TYROBP: variants seen among roughly 807,000 people sequenced by gnomAD.
The protein encoded by TYROBP is transmembrane immune signaling adaptor TYROBP, also known as TYRO protein tyrosine kinase-binding protein.
In TYROBP, 14 loss-of-function variants were observed where a neutral mutation model predicts 17.1. That is an observed-to-expected ratio of 0.82 (90% CI 0.54 to 1.28). TYROBP has a LOEUF of 1.28. TYROBP is among the 50% of genes most tolerant of loss of function. The pLI is 0.00. For synonymous variants in TYROBP, 73 were observed against 67.4 expected (o/e 1.08, Z -0.41); for missense variants, 161 against 151.4 (o/e 1.06, Z -0.33).
At chr19:35,906,937 G>C (rs992252967) in intron 4 of TYROBP, among the ~76,000 whole-genome samples, 1 of 151,920 alleles carries the variant, frequency 6.6e-6, no homozygotes, top group African/African-American at 2.4e-5. Flanking sequence ...TGTTGGTCTC[G>C]AACTCCTGAC....
intron 1 of TYROBP, 67 bp from the exon 2 acceptor site, chr19:35,907,829 A>T: frequency 6.4e-6 from 10 of 1,551,436 alleles, no homozygotes; most frequent in Non-Finnish European, 8.8e-6. Flanking sequence ...GCAAGTTTAG[A>T]AGCCAGGGAA....
chr19:35,905,913 A>G (rs1975710954), intron 4 of TYROBP, among the ~76,000 whole-genome samples: 1 of 149,616 alleles, frequency 6.7e-6, no homozygotes, highest in African/African-American at 2.5e-5. Context: ...AGACCACACC[A>G]TTGCACTCCA....
In TYROBP at chr19:35,907,743, G is replaced by T. The variant is rs1975766973; in HGVS notation, c.81C>A (p.Ala27=). The T allele has an allele frequency of 6.2e-7, 1 of 1,614,070 alleles. No homozygotes were observed. Among genetic ancestry groups the T allele is most frequent in the Non-Finnish European group, 8.5e-7 (1 of 1,180,024 alleles). The change falls in exon 2 of 5, where the codon GCC becomes GCA. Residue 27 remains alanine (A), a synonymous_variant. Coordinates refer to ENST00000262629, the MANE Select transcript of TYROBP (RefSeq NM_003332.4). ...LAVSGLRPVQ[A]QAQSDCSCST... ...GTCTAGGCCTACCGCTCTGGGCCTG[G>T]GCCTGGACAGGACGGAGACCTGAGG... is the stretch of plus-strand genomic sequence containing the variant.
chr19:35,907,117 G>A, intron 4 of TYROBP, 101 bp downstream of exon 4: 1 of 1,208,732 alleles, frequency 8.3e-7, no homozygotes. Context: ...GGGTGCTTTA[G>A]GCAGAGTGGC....
intron 4 of TYROBP, among the ~76,000 whole-genome samples, chr19:35,905,652 T>TA (rs753977412): frequency 0.012 from 1,588 of 136,082 alleles, 18 homozygotes; most frequent in African/African-American, 0.036. Context: ...ATCTCTACTT[T>TA]AAAAAAAAAA....
rs1328777780 is a variant in TYROBP, at chr19:35,907,726, C to G, written c.94+4G>C. The G allele has an allele frequency of 6.2e-7, 1 of 1,613,914 alleles. No individual in the cohort carries two copies. The highest frequency in any genetic ancestry group is 1.3e-5 in the African/African-American group (1 of 74,866). On this transcript the variant is annotated splice_donor_region_variant and intron_variant, in intron 2 of 4. Coordinates refer to ENST00000262629, the MANE Select transcript of TYROBP (RefSeq NM_003332.4). ...GAGAGAGGGACTGCTGGGTCTAGGC[C>G]TACCGCTCTGGGCCTGGGCCTGGAC...
Position 35,908,201 on chromosome 19 carries a change from G to A in TYROBP, c.28C>T (p.Leu10Phe). Reference protein sequence around the residue: MGGLEPCSRLLLLPLLLAVS... With the variant: MGGLEPCSRFLLLPLLLAVS... ...GCCAGCAGGAGAGGCAGGAGCAGGA[G>A]CCTGCTGCAGGGTTCAAGTCCCCCC... The change falls in exon 1 of 5, where the codon CTC becomes TTC. Residue 10 changes from leucine (L) to phenylalanine (F), a missense_variant. Coordinates refer to ENST00000262629, the MANE Select transcript of TYROBP (RefSeq NM_003332.4). 1 of 1,613,972 alleles carries A rather than the reference G, an allele frequency of 6.2e-7. No homozygotes were observed.
chr19:35,907,875 A>T (rs1975769941), intron 1 of TYROBP, 113 bp from the exon 2 acceptor site: 1 of 1,147,064 alleles, frequency 8.7e-7, no homozygotes, highest in Non-Finnish European at 1.3e-6. Flanking sequence ...AGCAAGGGGG[A>T]GAGCGTGTCT....
In TYROBP at chr19:35,907,713, G is replaced by T. The variant is rs778668986; in HGVS notation, c.94+17C>A. On this transcript the variant is annotated intron_variant, in intron 2 of 4. Transcript: ENST00000262629. ...TCTCTGGGAGGTAGAGAGAGGGACT[G>T]CTGGGTCTAGGCCTACCGCTCTGGG... The T allele has an allele frequency of 6.2e-6, 10 of 1,613,974 alleles. No homozygotes were observed. Among genetic ancestry groups the T allele is most frequent in the Non-Finnish European group, 8.5e-6 (10 of 1,179,990 alleles).
intron 4 of TYROBP, among the ~76,000 whole-genome samples, chr19:35,906,048 AG>A (rs1285614643): frequency 6.6e-6 from 1 of 151,294 alleles, no homozygotes; most frequent in African/African-American, 2.4e-5. Flanking sequence ...AGATTTTCGG[AG>A]GCTGAGGCGG....
In TYROBP at chr19:35,908,240, C is replaced by T. The variant is rs932454831; in HGVS notation, c.-12G>A. ...TCAAGTCCCCCCATGAAGCCGGATG[C>T]TGCTGGACACCACAGTGTAAGGGCC... On this transcript the variant is annotated 5_prime_UTR_variant, in exon 1 of 5. Coordinates refer to ENST00000262629, the MANE Select transcript of TYROBP (RefSeq NM_003332.4). 13 of 1,613,058 alleles carry T rather than the reference C, an allele frequency of 8.1e-6. No individual in the cohort carries two copies. Among genetic ancestry groups the T allele is most frequent in the Non-Finnish European group, 1.1e-5 (13 of 1,179,288 alleles).
At chr19:35,906,673 G>T (rs1568504238) in intron 4 of TYROBP, among the ~76,000 whole-genome samples, 1 of 151,562 alleles carries the variant, frequency 6.6e-6, no homozygotes, top group East Asian at 1.9e-4. Flanking sequence ...TTCTGGCAAG[G>T]CCTGTGTTTA....
At chr19:35,906,298 C>A (rs1044246683) in intron 4 of TYROBP, among the ~76,000 whole-genome samples, 1 of 152,026 alleles carries the variant, frequency 6.6e-6, no homozygotes. Flanking sequence ...ACCATCCTGG[C>A]CTGGCTGGTC....
chr19:35,907,378 G>A (rs2146988476), intron 3 of TYROBP, 68 bp downstream of exon 3: 1 of 1,606,344 alleles, frequency 6.2e-7, no homozygotes. Context: ...TTGAGATCTG[G>A]GAGTTTACCC....
At chr19:35,904,857 C>G (rs1043559960) in intron 4 of TYROBP, among the ~76,000 whole-genome samples, 2 of 152,032 alleles carry the variant, frequency 1.3e-5, no homozygotes, top group Non-Finnish European at 2.9e-5. Flanking sequence ...AAACTCTGTT[C>G]CCCTAGATCC....
intron 1 of TYROBP, 144 bp from the exon 2 acceptor site, chr19:35,907,906 C>T (rs1651986496): frequency 1.1e-6 from 1 of 875,652 alleles, no homozygotes; most frequent in African/African-American, 1.7e-5. Context: ...AGGGGGCTGG[C>T]GTCTGGGCCA....
In TYROBP at chr19:35,907,735, T is replaced by C. The variant is rs1379801416; in HGVS notation, c.89A>G (p.Gln30Arg). ...ACTGCTGGGTCTAGGCCTACCGCTC[T>C]GGGCCTGGGCCTGGACAGGACGGAG... ...SGLRPVQAQA[Q>R]SDCSCSTVSP... The change falls in exon 2 of 5, where the codon CAG (glutamine) becomes CGG (arginine). Residue 30 changes from glutamine (Q) to arginine (R), a missense_variant. Coordinates refer to ENST00000262629, the MANE Select transcript of TYROBP (RefSeq NM_003332.4). The C allele has an allele frequency of 3.1e-6, 5 of 1,613,678 alleles. No individual in the cohort carries two copies. In the East Asian group the frequency reaches 8.9e-5, roughly 29 times the overall value.
At position 35,904,642 on chromosome 19, in the gene TYROBP, A is replaced by T; in HGVS notation, c.277-8T>A. On this transcript the variant is annotated splice_region_variant and splice_polypyrimidine_tract_variant and intron_variant, in intron 4 of 4. Coordinates refer to ENST00000262629, the MANE Select transcript of TYROBP (RefSeq NM_003332.4). Reference sequence around the variant, plus strand: ...CCTCTGACCCTGGAGCTCCTAAAGGAATGGGGGCCATCAGTGGAAGGGACC... The same window carrying T: ...CCTCTGACCCTGGAGCTCCTAAAGGTATGGGGGCCATCAGTGGAAGGGACC... The T allele has an allele frequency of 6.2e-7, 1 of 1,611,912 alleles. No individual in the cohort carries two copies. Among genetic ancestry groups the T allele is most frequent in the Non-Finnish European group, 8.5e-7 (1 of 1,178,984 alleles).
At position 35,904,602 on chromosome 19, in the gene TYROBP, G is replaced by A. The variant is rs1975672542; in HGVS notation, c.309C>T (p.Ser103=). The part of the protein sequence containing the change: ...ELQGQRSDVY[S]DLNTQRPYYK ...AATACGGCCTCTGTGTGTTGAGGTC[G>A]CTGTAGACATCCGACCTCTGACCCT... Residue 103 remains serine (S), a synonymous_variant, in exon 5 of 5, where the codon AGC becomes AGT. Transcript: ENST00000262629. The A allele has an allele frequency of 6.8e-6, 11 of 1,613,380 alleles. No homozygotes were observed. Among genetic ancestry groups the A allele is most frequent in the East Asian group, 6.7e-5 (3 of 44,888 alleles).
Sources: gnomAD v4.1 joint callset for allele counts (sites outside exome capture counted in the v4.1 genomes callset) on GRCh38, gnomAD v4.1.1 for gene constraint, MANE v1.5 for transcripts, NCBI Gene and HGNC (gene_info 2026-07-23, HGNC 2026-07-21) for gene names.